EXT2: variants seen among roughly 807,000 people sequenced by gnomAD.
EXT2 encodes the protein exostosin-2.
EXT2 carries 53 observed loss-of-function variants against 81.6 expected under a neutral mutation model. That is an observed-to-expected ratio of 0.65 (90% CI 0.52 to 0.82). The LOEUF is 0.82. EXT2 is among the 40% of genes least tolerant of loss of function. The pLI is 0.00. For missense variants in EXT2, 774 were observed against 910.2 expected (o/e 0.85, Z 1.93); for synonymous variants, 320 against 340.0 (o/e 0.94, Z 0.65).
Position 44,232,402 on chromosome 11 carries a change from A to G in EXT2, c.1712A>G (p.His571Arg), listed in dbSNP as rs150392363. The change falls in exon 11 of 14, where the codon CAT (histidine) becomes CGT (arginine). Residue 571 changes from histidine (H) to arginine (R), a missense_variant. His to Arg is a conservative substitution (Grantham distance 29). Around this residue, in one of 2 missense-constraint regions of EXT2, gnomAD observed 148 missense variants for 239.7 expected, o/e 0.62. Transcript: ENST00000533608. ...TTGGTGGGTTACCCGGGTCGTCTGCATCTCTGGGACCATGAGATGAATAAG... is the reference window on the plus strand; with the variant it reads ...TTGGTGGGTTACCCGGGTCGTCTGCGTCTCTGGGACCATGAGATGAATAAG... ...DRLVGYPGRLHLWDHEMNKWK... is the reference protein window; with the variant it reads ...DRLVGYPGRLRLWDHEMNKWK... The G allele has an allele frequency of 5.0e-6, 8 of 1,614,056 alleles. No homozygotes were observed. The highest frequency in any genetic ancestry group is 2.7e-5 in the African/African-American group (2 of 75,016).
chr11:44,138,867 C>G (rs1326776075), intron 7 of EXT2, among the ~76,000 whole-genome samples: 1 of 152,148 alleles, frequency 6.6e-6, no homozygotes, highest in Non-Finnish European at 1.5e-5. Flanking sequence ...ATGATTGACT[C>G]AAAGCATGTA....
intron 13 of EXT2, among the ~76,000 whole-genome samples, chr11:44,242,077 T>C (rs1480713316): frequency 1.3e-5 from 2 of 152,158 alleles, no homozygotes; most frequent in Non-Finnish European, 2.9e-5. Context: ...AGAGGAGACA[T>C]TGTCCTCAAT....
At chr11:44,166,862 A>G (rs1367797029) in intron 7 of EXT2, among the ~76,000 whole-genome samples, 1 of 152,228 alleles carries the variant, frequency 6.6e-6, no homozygotes, top group East Asian at 1.9e-4. Flanking sequence ...TCGGATAAGA[A>G]ACTGCCTTCT....
chr11:44,172,995 A>C (rs1955098774), intron 8 of EXT2, among the ~76,000 whole-genome samples: 1 of 152,080 alleles, frequency 6.6e-6, no homozygotes, highest in South Asian at 2.1e-4. Context: ...CCTTTTTGAA[A>C]TGGTTACTGG....
chr11:44,225,731 T>C (rs186125979), intron 10 of EXT2, among the ~76,000 whole-genome samples: 34 of 152,220 alleles, frequency 2.2e-4, no homozygotes, highest in Admixed American at 2.2e-3. Context: ...GGACTGGGAG[T>C]TCGGGCCAAT....
In EXT2 at chr11:44,232,472, C is replaced by T. The variant is rs1250279190; in HGVS notation, c.1782C>T (p.Leu594=). Residue 594 remains leucine, a synonymous_variant, in exon 11 of 14, where the codon CTC becomes CTT. Transcript: ENST00000533608. ...SEWTNEVSMV[L]TGAAFYHKYF... ...GGACGAATGAAGTGTCCATGGTGCTCACTGGGGCAGCTTTTTATCACAAGG... is the reference window on the plus strand; with the variant it reads ...GGACGAATGAAGTGTCCATGGTGCTTACTGGGGCAGCTTTTTATCACAAGG... The T allele has an allele frequency of 2.5e-6, 4 of 1,613,954 alleles. No homozygotes were observed. In the South Asian group the frequency reaches 3.3e-5, roughly 13 times the overall value.
At chr11:44,191,455 G>T (rs1165112154) in intron 8 of EXT2, among the ~76,000 whole-genome samples, 3 of 152,238 alleles carry the variant, frequency 2.0e-5, no homozygotes, top group African/African-American at 7.2e-5. Context: ...CTCTTCTCCA[G>T]CTCTGTTGCT....
chr11:44,218,981 C>T (rs1342527666), intron 10 of EXT2, among the ~76,000 whole-genome samples: 1 of 151,146 alleles, frequency 6.6e-6, no homozygotes, highest in Non-Finnish European at 1.5e-5. Context: ...TGTATTTTTA[C>T]TAGAGATGGG....
rs2134965342 is a variant in EXT2, at chr11:44,107,773, A to G, written c.61A>G (p.Lys21Glu). 5 of 1,614,146 alleles carry G rather than the reference A, an allele frequency of 3.1e-6. No homozygotes were observed. The highest frequency in any genetic ancestry group is 1.3e-5 in the African/African-American group (1 of 75,026). The change falls in exon 2 of 14, where the codon AAG becomes GAG. Residue 21 changes from lysine to glutamate, a missense_variant. By Grantham distance (56) the Lys-to-Glu change is moderately conservative (BLOSUM62 1). This residue lies in a region of EXT2 where 626 missense variants were observed against 670.5 expected (regional missense o/e 0.93). Coordinates refer to ENST00000533608, the MANE Select transcript of EXT2 (RefSeq NM_207122.2). The part of the protein sequence containing the change: ...GPALIPRMKT[K>E]HRIYYITLFS... ...TGCCCTCATCCCAAGAATGAAGACCAAGCACCGAATCTACTATATCACCCT... is the reference window on the plus strand; with the variant it reads ...TGCCCTCATCCCAAGAATGAAGACCGAGCACCGAATCTACTATATCACCCT...
chr11:44,149,797 A>T (rs981505867), intron 7 of EXT2, among the ~76,000 whole-genome samples: 2 of 152,218 alleles, frequency 1.3e-5, no homozygotes, highest in Non-Finnish European at 2.9e-5. Flanking sequence ...ATGTGCTTAT[A>T]TATGGGCCTT....
Position 44,247,016 on chromosome 11 carries a change from C to T in EXT2, c.*2729C>T, listed in dbSNP as rs553617055. On this transcript the variant is annotated 3_prime_UTR_variant, in exon 14 of 14. Transcript: ENST00000533608. Reference sequence around the variant, plus strand: ...TGCACACTGAGCCACTGGCTTTGCCCCCAGGGGCCTAACTGGGATGGGCCT... The same window carrying T: ...TGCACACTGAGCCACTGGCTTTGCCTCCAGGGGCCTAACTGGGATGGGCCT... 5.8e-4 allele frequency among the ~76,000 whole-genome samples: 88 copies of T among 152,356 alleles called. No homozygotes were observed. Among genetic ancestry groups the T allele is most frequent in the African/African-American group, 1.9e-3 (81 of 41,582 alleles).
At chr11:44,172,588 T>C (rs1255573325) in intron 8 of EXT2, among the ~76,000 whole-genome samples, 1 of 150,228 alleles carries the variant, frequency 6.7e-6, no homozygotes, top group Non-Finnish European at 1.5e-5. Context: ...CTTTTCTTTT[T>C]TTTTTTTTTT....
intron 13 of EXT2, among the ~76,000 whole-genome samples, chr11:44,238,547 C>T (rs1479630842): frequency 2.6e-5 from 4 of 152,188 alleles, no homozygotes; most frequent in African/African-American, 9.7e-5. Context: ...GGACTTTTAA[C>T]AGTGTCAAGG....
intron 8 of EXT2, among the ~76,000 whole-genome samples, chr11:44,190,077 T>C (rs1314585907): frequency 6.6e-6 from 1 of 152,230 alleles, no homozygotes; most frequent in African/African-American, 2.4e-5. Context: ...AGTAATATGA[T>C]GCTAATGCTT....
intron 1 of EXT2, among the ~76,000 whole-genome samples, chr11:44,105,362 G>T (rs538319919): frequency 4.6e-5 from 7 of 152,154 alleles, no homozygotes; most frequent in Non-Finnish European, 1.0e-4. Context: ...GCACAATCTT[G>T]GTTCACTGCA....
At chr11:44,129,677 A>C (rs928450919) in intron 6 of EXT2, among the ~76,000 whole-genome samples, 12 of 152,234 alleles carry the variant, frequency 7.9e-5, no homozygotes, top group Admixed American at 7.2e-4. Flanking sequence ...TTAGAAACGG[A>C]ATAAAGGAAG....
At position 44,114,276 on chromosome 11, in the gene EXT2, G is replaced by A. The variant is rs779379160; in HGVS notation, c.718G>A (p.Val240Met). 2 of 1,614,036 alleles carry A rather than the reference G, an allele frequency of 1.2e-6. No individual in the cohort carries two copies. The highest frequency in any genetic ancestry group is 2.2e-5 in the South Asian group (2 of 91,086). The change falls in exon 4 of 14, where the codon GTG becomes ATG. Residue 240 changes from valine to methionine, a missense_variant. Transcript: ENST00000533608. ...IPVYSPLSAE[V>M]DLPEKGPGPR... Reference sequence around the variant, plus strand: ...TGTCTATAGTCCACTGTCAGCTGAGGTGGATCTTCCAGAGAAAGGACCAGG... The same window carrying A: ...TGTCTATAGTCCACTGTCAGCTGAGATGGATCTTCCAGAGAAAGGACCAGG...
chr11:44,232,321 G>A lies in EXT2; in HGVS notation c.1663-32G>A, dbSNP rs141585131. The stretch of plus-strand genomic sequence containing the variant: ...CACTGAATGGTTGCTGTCTGAATTG[G>A]GACTTGATTGTTATTATGTGTCTGT... On this transcript the variant is annotated intron_variant, in intron 10 of 13. Transcript: ENST00000533608. 1.8e-3 allele frequency: 2,871 copies of A among 1,612,750 alleles called. 2 individuals carry two copies. The highest frequency in any genetic ancestry group is 2.0e-3 in the Non-Finnish European group (2,381 of 1,179,694).
chr11:44,232,338 T>C lies in EXT2; in HGVS notation c.1663-15T>C. The C allele has an allele frequency of 6.2e-7, 1 of 1,613,664 alleles. No individual in the cohort carries two copies. Among genetic ancestry groups the C allele is most frequent in the Non-Finnish European group, 8.5e-7 (1 of 1,179,852 alleles). Reference sequence around the variant, plus strand: ...CTGAATTGGGACTTGATTGTTATTATGTGTCTGTCCTTAGGTCTGGCGGGA... The same window carrying C: ...CTGAATTGGGACTTGATTGTTATTACGTGTCTGTCCTTAGGTCTGGCGGGA... On this transcript the variant is annotated splice_polypyrimidine_tract_variant and intron_variant, in intron 10 of 13. Coordinates refer to ENST00000533608, the MANE Select transcript of EXT2 (RefSeq NM_207122.2).
Sources: allele counts gnomAD v4.1 joint callset (sites outside exome capture counted in the v4.1 genomes callset), GRCh38; gene constraint gnomAD v4.1.1; regional missense constraint gnomAD v4.1.1; transcripts MANE v1.5; gene names NCBI Gene and HGNC (gene_info 2026-07-23, HGNC 2026-07-21).